UTP20: variants seen among roughly 807,000 people sequenced by gnomAD.
UTP20 encodes small subunit processome component 20 homolog.
UTP20 carries 164 observed loss-of-function variants against 329.5 expected under a neutral mutation model. That is an observed-to-expected ratio of 0.50 (90% confidence interval 0.44 to 0.57). The LOEUF is 0.57. Ranked by LOEUF, UTP20 falls within the 20% of genes least tolerant of loss-of-function variation. The probability of loss-of-function intolerance (pLI) is 0.00; values close to 1 mark genes in which losing one functional copy is unlikely to be tolerated. For missense variants in UTP20, 3,055 were observed against 3,284.2 expected, an observed-to-expected ratio of 0.93 and a Z score of 1.71; for synonymous variants, 1,151 against 1,159.3, an observed-to-expected ratio of 0.99 and a Z score of 0.14.
Position 101,342,810 on chromosome 12 carries a change from G to A in UTP20, c.4269G>A (p.Gly1423=). 3 of 1,613,368 alleles carry A rather than the reference G, an allele frequency of 1.9e-6. No homozygotes were observed. The highest frequency in any genetic ancestry group is 8.5e-7 in the Non-Finnish European group (1 of 1,179,630). ...AGACTCTTTCTGATTTTGAGAGTGGGTTAAAATATATTACTGATGTTGTCA... is the reference window on the plus strand; with the variant it reads ...AGACTCTTTCTGATTTTGAGAGTGGATTAAAATATATTACTGATGTTGTCA... The part of the protein sequence containing the change: ...VFETLSDFES[G]LKYITDVVKL... The change falls in exon 34 of 62, where the codon GGG becomes GGA. Residue 1423 remains glycine, a synonymous_variant. Transcript: ENST00000261637.
At chr12:101,384,452 G>GA (rs1379968117) in intron 60 of UTP20, among the ~76,000 whole-genome samples, 2 of 152,164 alleles carry the variant, frequency 1.3e-5, no homozygotes, top group African/African-American at 4.8e-5. Context: ...GAGGTGGGGG[G>GA]ATCTCTTGAG....
chr12:101,370,719 C>A (rs374732395), intron 50 of UTP20, among the ~76,000 whole-genome samples, 156 bp downstream of exon 50: 1 of 152,188 alleles, frequency 6.6e-6, no homozygotes, highest in South Asian at 2.1e-4. Flanking sequence ...TACAGGTGAA[C>A]ATTTGCTTAT....
chr12:101,292,663 C>T (rs1022157874), intron 10 of UTP20, among the ~76,000 whole-genome samples: 3 of 152,096 alleles, frequency 2.0e-5, no homozygotes, highest in Non-Finnish European at 2.9e-5. Context: ...ACAGAAAAGA[C>T]GTGTGTTCAT....
intron 51 of UTP20, among the ~76,000 whole-genome samples, chr12:101,371,750 T>G (rs1225142063): frequency 1.3e-5 from 2 of 151,998 alleles, no homozygotes; most frequent in Non-Finnish European, 2.9e-5. Context: ...GCCAGGATGG[T>G]CTTGATCTCT....
chr12:101,370,885 AGTGTTAT>A (rs1468074950), intron 50 of UTP20, among the ~76,000 whole-genome samples, 166 bp from the exon 51 acceptor site: 5 of 152,288 alleles, frequency 3.3e-5, no homozygotes, highest in South Asian at 2.1e-4. Flanking sequence ...ACCCATTTGA[AGTGTTAT>A]GTTTAAGGGT....
At chr12:101,319,691 T>G in intron 23 of UTP20, 56 bp downstream of exon 23, 1 of 1,450,922 alleles carries the variant, frequency 6.9e-7, no homozygotes, top group Non-Finnish European at 9.4e-7. Flanking sequence ...CTCTATCATT[T>G]TCTTTGTCAG....
chr12:101,325,601 T>A (rs1868527821), intron 25 of UTP20, among the ~76,000 whole-genome samples: 1 of 152,190 alleles, frequency 6.6e-6, no homozygotes, highest in Admixed American at 6.5e-5. Flanking sequence ...TATGATAAAG[T>A]GGGAAGAATG....
At chr12:101,335,069 A>G (rs1236428545) in intron 29 of UTP20, among the ~76,000 whole-genome samples, 1 of 152,192 alleles carries the variant, frequency 6.6e-6, no homozygotes, top group Admixed American at 6.5e-5. Context: ...AATGAAATAG[A>G]AACTGTCCAG....
At chr12:101,285,989 A>T in intron 4 of UTP20, 108 bp downstream of exon 4, 3 of 1,453,502 alleles carry the variant, frequency 2.1e-6, no homozygotes, top group Non-Finnish European at 2.8e-6. Context: ...TAATTTAGAA[A>T]CAAGGAGGAT....
rs754958417 is a variant in UTP20 at position 101,338,284 on chromosome 12, A to G, written c.3868+7A>G. 6 of 1,612,708 alleles carry G rather than the reference A, an allele frequency of 3.7e-6. No individual in the cohort carries two copies. In the East Asian group the frequency reaches 1.1e-4, roughly 30 times the overall value. Reference sequence around the variant, plus strand: ...ATAGCAGAAAACATCGGTGGTATGTATGCTGACAAAGCAGATAATTCTTAG... The same window carrying G: ...ATAGCAGAAAACATCGGTGGTATGTGTGCTGACAAAGCAGATAATTCTTAG... On this transcript the variant is annotated splice_region_variant and intron_variant, in intron 30 of 61. Coordinates refer to ENST00000261637, the MANE Select transcript of UTP20 (RefSeq NM_014503.3).
In UTP20 at chr12:101,373,907, T is replaced by C. The variant is rs533397515; in HGVS notation, c.7131+140T>C. On this transcript the variant is annotated intron_variant, in intron 54 of 61. Transcript: ENST00000261637. ...TTTTTGTCTGATTATGCAAATAGTA[T>C]ATTCTTAAAGTTTTCCAAAGTGTAA... 3 of 1,056,978 alleles carry C rather than the reference T, an allele frequency of 2.8e-6. No homozygotes were observed. In the African/African-American group the frequency reaches 4.9e-5, roughly 17 times the overall value. 65.5% of individuals were successfully genotyped at this position (1,056,978 alleles called of 1,614,324 possible). A position where few individuals can be genotyped will look rare whatever the true frequency, so the allele number is the denominator to read the frequency against.
rs767816331 is a variant in UTP20 at position 101,292,095 on chromosome 12, C to T, written c.1164C>T (p.Thr388=). The T allele has an allele frequency of 1.2e-6, 2 of 1,610,930 alleles. No individual in the cohort carries two copies. The highest frequency in any genetic ancestry group is 2.2e-5 in the South Asian group (2 of 90,136). The change falls in exon 10 of 62, where the codon ACC becomes ACT. Residue 388 remains threonine, a synonymous_variant. Coordinates refer to ENST00000261637, the MANE Select transcript of UTP20 (RefSeq NM_014503.3). ...VSLPETLIKE[T]IEKIFESRFE... is the part of the protein sequence containing the mutation. ...TGCCGGAGACCCTCATCAAAGAAACCATAGAAAAAGTAATTTACTTCAACA... is the reference window on the plus strand; with the variant it reads ...TGCCGGAGACCCTCATCAAAGAAACTATAGAAAAAGTAATTTACTTCAACA...
At chr12:101,293,063 C>A in intron 10 of UTP20, 105 bp from the exon 11 acceptor site, 2 of 1,121,716 alleles carry the variant, frequency 1.8e-6, no homozygotes, top group South Asian at 1.4e-5. Context: ...CTGGACAGAG[C>A]ACTGAGTGAA....
In UTP20 at chr12:101,383,279, T is replaced by C. The variant is rs759674615; in HGVS notation, c.7895T>C (p.Leu2632Pro). ...LIQKLSRIAKLEAAYSPRNPL... is the reference protein window; with the variant it reads ...LIQKLSRIAKPEAAYSPRNPL... ...CAGAAGCTGTCCCGGATTGCAAAAC[T>C]GGAAGCTGCTTATTCGCCGAGAAAC... The change falls in exon 59 of 62, where the codon CTG (leucine) becomes CCG (proline). Residue 2632 changes from leucine (L) to proline (P), a missense_variant. Leu to Pro is a moderately conservative substitution (Grantham distance 98). This residue lies in a region of UTP20 where 337 missense variants were observed against 345.5 expected (regional missense o/e 0.98). Transcript: ENST00000261637. The C allele has an allele frequency of 1.5e-5, 25 of 1,614,056 alleles. No individual in the cohort carries two copies. Among genetic ancestry groups the C allele is most frequent in the Non-Finnish European group, 2.0e-5 (24 of 1,180,006 alleles).
chr12:101,292,353 A>T (rs79465472), intron 10 of UTP20, among the ~76,000 whole-genome samples: 57 of 152,362 alleles, frequency 3.7e-4, no homozygotes, highest in African/African-American at 1.3e-3. Flanking sequence ...TCTGCAATAT[A>T]TGTAAGCACA....
chr12:101,350,787 C>T (rs575941758), intron 38 of UTP20, among the ~76,000 whole-genome samples: 1 of 152,226 alleles, frequency 6.6e-6, no homozygotes, highest in South Asian at 2.1e-4. Context: ...TGCCTGTTCC[C>T]TTCTGTGGTT....
chr12:101,374,184 G>A (rs1201466452), intron 54 of UTP20, among the ~76,000 whole-genome samples: 1 of 150,048 alleles, frequency 6.7e-6, no homozygotes, highest in African/African-American at 2.4e-5. Context: ...GCAGTGAGCC[G>A]AGGTCCCGCC....
At chr12:101,285,549 G>A (rs775503049) in intron 2 of UTP20, 21 bp from the exon 3 acceptor site, 5 of 1,611,190 alleles carry the variant, frequency 3.1e-6, no homozygotes, top group Non-Finnish European at 4.2e-6. Flanking sequence ...TTTGATTAAT[G>A]GACTGCTTTA....
chr12:101,289,456 A>T (rs1179400711), intron 6 of UTP20, among the ~76,000 whole-genome samples: 1 of 152,138 alleles, frequency 6.6e-6, no homozygotes, highest in Non-Finnish European at 1.5e-5. Context: ...GATATCTTTT[A>T]AAAATGTGGT....
Sources: gnomAD v4.1 joint callset for allele counts (sites outside exome capture counted in the v4.1 genomes callset) on GRCh38, gnomAD v4.1.1 for gene constraint, gnomAD v4.1.1 regional missense constraint, MANE v1.5 for transcripts, NCBI Gene and HGNC (gene_info 2026-07-23, HGNC 2026-07-21) for gene names.